The following DHX33 variants were observed in gnomAD, a reference collection of about 807,000 sequenced individuals.
DHX33 encodes ATP-dependent RNA helicase DHX33.
A neutral mutation model predicts 72.5 loss-of-function variants in DHX33; 42 were observed. That is an observed-to-expected ratio of 0.58 (90% CI 0.45 to 0.75). The LOEUF is 0.75. DHX33 is among the 30% of genes least tolerant of loss of function. The pLI, the probability that DHX33 is intolerant of heterozygous loss-of-function variation, is 0.00. For missense variants in DHX33, 842 were observed against 917.5 expected (o/e 0.92, Z 1.06); for synonymous variants, 358 against 366.1 (o/e 0.98, Z 0.25).
Position 5,442,703 on chromosome 17 carries a change from C to G in DHX33, c.*1502G>C, listed in dbSNP as rs1916481004. The G allele has an allele frequency of 6.6e-6, 1 of 152,138 alleles. No homozygotes were observed. The highest frequency in any genetic ancestry group is 2.4e-5 in the African/African-American group (1 of 41,416). The allele number at this position is 152,138 out of a possible 1,614,324, so 9.4% of individuals were successfully genotyped here. A position where few individuals can be genotyped will look rare whatever the true frequency, so the allele number is the denominator to read the frequency against. ...GAAGAGCCTCTTGGGCAGCTTGGCC[C>G]CTGGTTATAACTATGATTCATTCAT... On this transcript the variant is annotated 3_prime_UTR_variant, in exon 12 of 12. Coordinates refer to ENST00000225296, the MANE Select transcript of DHX33 (RefSeq NM_020162.4).
intron 1 of DHX33, among the ~76,000 whole-genome samples, chr17:5,464,899 C>T (rs1158948145): frequency 6.6e-6 from 1 of 152,144 alleles, no homozygotes; most frequent in Non-Finnish European, 1.5e-5. Context: ...ATGAGTTAGG[C>T]CTCAAACACG....
intron 2 of DHX33, among the ~76,000 whole-genome samples, chr17:5,462,920 A>T (rs1904708211): frequency 6.6e-6 from 1 of 152,066 alleles, no homozygotes; most frequent in Non-Finnish European, 1.5e-5. Context: ...TCTACTAAAA[A>T]ATACAAAAAT....
chr17:5,463,694 G>T lies in DHX33; in HGVS notation c.290-5C>A. On this transcript the variant is annotated splice_region_variant and splice_polypyrimidine_tract_variant and intron_variant, in intron 1 of 11. Transcript: ENST00000225296. ...TCTTCCCAGAGCCAGTTTCCCCTAG[G>T]AGAGAGGGGGAAAAAAAAAAAAGGC... 6.4e-7 allele frequency: 1 copy of T among 1,570,526 alleles called. No homozygotes were observed. The highest frequency in any genetic ancestry group is 8.6e-7 in the Non-Finnish European group (1 of 1,164,718).
Position 5,462,373 on chromosome 17 carries a change from T to G in DHX33, c.624A>C (p.Gly208=). The G allele has an allele frequency of 6.2e-7, 1 of 1,614,136 alleles. No homozygotes were observed. Among genetic ancestry groups the G allele is most frequent in the Non-Finnish European group, 8.5e-7 (1 of 1,180,030 alleles). ...TCCTCTTCTGTGCAGCTTTCACCAC[T>G]CCAAAGAGCACATCTGTGTGGATAG... ...ERTIHTDVLF[G]VVKAAQKRRK... The change falls in exon 3 of 12, where the codon GGA becomes GGC. Residue 208 remains glycine (G), a synonymous_variant. Coordinates refer to ENST00000225296, the MANE Select transcript of DHX33 (RefSeq NM_020162.4).
chr17:5,444,622 T>C lies in DHX33; in HGVS notation c.1816-109A>G, dbSNP rs543968770. 145 of 1,144,468 alleles carry C rather than the reference T, an allele frequency of 1.3e-4. 1 individual carries two copies. The highest frequency in any genetic ancestry group is 1.3e-3 in the South Asian group (84 of 66,350). The allele number at this position is 1,144,468 out of a possible 1,614,324, so 70.9% of individuals were successfully genotyped here. ...CCCACTGGGGCAAAAGCAGCCCACA[T>C]TGTGAGCCTAACGATGTGGATTCTG... On this transcript the variant is annotated intron_variant, in intron 11 of 11. Coordinates refer to ENST00000225296, the MANE Select transcript of DHX33 (RefSeq NM_020162.4). This position sits in a 1 kb window ranked among gnomAD's most constrained non-coding sequence, Gnocchi z 4.9.
At chr17:5,457,073 G>A (rs533232570) in intron 4 of DHX33, among the ~76,000 whole-genome samples, 1 of 152,190 alleles carries the variant, frequency 6.6e-6, no homozygotes, top group Non-Finnish European at 1.5e-5. Flanking sequence ...TTGGGAGGCC[G>A]AGGCGGCCAG....
rs1294102182 is a variant in DHX33, at chr17:5,468,849, T to A, written c.11A>T (p.Glu4Val). 1 of 1,556,352 alleles carries A rather than the reference T, an allele frequency of 6.4e-7. No homozygotes were observed. Among genetic ancestry groups the A allele is most frequent in the Admixed American group, 1.9e-5 (1 of 51,330 alleles). The stretch of plus-strand genomic sequence containing the variant: ...TCTCTTGGCCGGCGGGAAGCCCGCC[T>A]CCTCCGGCATGTCGGGAGGGCACCG... The part of the protein sequence containing the change: MPE[E>V]AGFPPAKRFR... Residue 4 changes from glutamate (E) to valine (V), a missense_variant, in exon 1 of 12, where the codon GAG becomes GTG. By Grantham distance (121) the Glu-to-Val change is moderately radical (BLOSUM62 -2). Transcript: ENST00000225296.
At chr17:5,450,719 TA>T in intron 9 of DHX33, 87 bp downstream of exon 9, 1 of 1,552,050 alleles carries the variant, frequency 6.4e-7, no homozygotes, top group Non-Finnish European at 8.8e-7. Context: ...AAAGTGAGAT[TA>T]ATCTAGAAGC....
At chr17:5,459,802 T>G (rs2151689845) in intron 4 of DHX33, among the ~76,000 whole-genome samples, 1 of 152,176 alleles carries the variant, frequency 6.6e-6, no homozygotes, top group South Asian at 2.1e-4. Flanking sequence ...ACTTCTTCTT[T>G]AAAAAATAAT....
At chr17:5,446,945 T>C (rs1597355111) in intron 11 of DHX33, among the ~76,000 whole-genome samples, 1 of 152,156 alleles carries the variant, frequency 6.6e-6, no homozygotes, top group Admixed American at 6.5e-5. Context: ...AAGAAACAGC[T>C]CTAGTGCCAA....
At chr17:5,462,259 T>C (rs1597363958) in intron 3 of DHX33, 60 bp downstream of exon 3, 2 of 1,516,952 alleles carry the variant, frequency 1.3e-6, no homozygotes, top group East Asian at 4.5e-5. Flanking sequence ...TCCTTCTGTG[T>C]GTTACGCATA....
intron 2 of DHX33, 130 bp from the exon 3 acceptor site, chr17:5,462,676 G>C: frequency 1.5e-6 from 1 of 669,688 alleles, no homozygotes; most frequent in Non-Finnish European, 2.7e-6. Context: ...CCCTTGGGAA[G>C]CATGCAGTCT....
intron 8 of DHX33, among the ~76,000 whole-genome samples, chr17:5,451,865 T>C (rs1426333940): frequency 1.3e-5 from 2 of 152,182 alleles, no homozygotes; most frequent in African/African-American, 2.4e-5. Context: ...CAGAATGGAA[T>C]AGCACTTAGT....
rs1381924180 is a variant in DHX33, at chr17:5,461,080, C to T, written c.708G>A (p.Val236=). The part of the protein sequence containing the change: ...KVIVMSATMD[V]DLFSQYFNGA... ...CATTGAAATACTGAGAGAACAGGTC[C>T]ACATCCATCGTAGCTGACATCACAA... is the stretch of plus-strand genomic sequence containing the variant. Residue 236 remains valine, a synonymous_variant, in exon 4 of 12, where the codon GTG becomes GTA. Coordinates refer to ENST00000225296, the MANE Select transcript of DHX33 (RefSeq NM_020162.4). The T allele has an allele frequency of 6.2e-7, 1 of 1,611,808 alleles. No homozygotes were observed. The highest frequency in any genetic ancestry group is 1.3e-5 in the African/African-American group (1 of 74,822).
intron 4 of DHX33, among the ~76,000 whole-genome samples, chr17:5,459,545 T>C (rs1904483252): frequency 6.6e-6 from 1 of 152,050 alleles, no homozygotes; most frequent in Non-Finnish European, 1.5e-5. Context: ...TCCTCCTACC[T>C]CAGCATCCCA....
At chr17:5,462,616 G>A (rs1904693045) in intron 2 of DHX33, 70 bp from the exon 3 acceptor site, 2 of 1,175,310 alleles carry the variant, frequency 1.7e-6, no homozygotes, top group African/African-American at 3.0e-5. Flanking sequence ...GCACTAAGTT[G>A]GGCACTTGCA....
chr17:5,455,612 G>T (rs1241823851), intron 5 of DHX33, among the ~76,000 whole-genome samples: 1 of 152,172 alleles, frequency 6.6e-6, no homozygotes, highest in African/African-American at 2.4e-5. Context: ...GGATCCCCAT[G>T]GGATCATAAC....
intron 10 of DHX33, among the ~76,000 whole-genome samples, chr17:5,449,830 AT>A (rs1375842979): frequency 1.3e-5 from 2 of 152,282 alleles, no homozygotes; most frequent in Non-Finnish European, 2.9e-5. Flanking sequence ...ATTTCTTAGG[AT>A]TACTTTACTG....
chr17:5,441,542 T>C lies in DHX33; in HGVS notation c.*2663A>G, dbSNP rs1236517423. The C allele has an allele frequency of 6.6e-6, 1 of 152,208 alleles. No homozygotes were observed. Among genetic ancestry groups the C allele is most frequent in the Non-Finnish European group, 1.5e-5 (1 of 68,036 alleles). 9.4% of individuals were successfully genotyped at this position (152,208 alleles called of 1,614,324 possible). On this transcript the variant is annotated 3_prime_UTR_variant, in exon 12 of 12. Transcript: ENST00000225296. The stretch of plus-strand genomic sequence containing the variant: ...TGAAGATTATATTGCAATGTTATTG[T>C]GAAACATTTAACTTTCTTAAGTTTA...
Sources: allele counts gnomAD v4.1 joint callset (sites outside exome capture counted in the v4.1 genomes callset), GRCh38; gene constraint gnomAD v4.1.1; non-coding constraint Gnocchi (gnomAD v3.1); transcripts MANE v1.5; gene names NCBI Gene and HGNC (gene_info 2026-07-23, HGNC 2026-07-21).